Variants in DCAF8 observed in about 807,000 individuals in gnomAD.
DCAF8 encodes DDB1 and CUL4 associated factor 8, also known as DDB1- and CUL4-associated factor 8.
DCAF8 carries 20 observed loss-of-function variants against 68.0 expected under a neutral mutation model. The observed-to-expected ratio is 0.29, with a 90% confidence interval of 0.21 to 0.43. The LOEUF (loss-of-function observed/expected upper bound fraction) is 0.43. Ranked by LOEUF, DCAF8 falls within the 20% of genes least tolerant of loss-of-function variation. The probability of loss-of-function intolerance (pLI) is 1.00; values close to 1 mark genes in which losing one functional copy is unlikely to be tolerated. For synonymous variants in DCAF8, 230 were observed against 276.9 expected, an observed-to-expected ratio of 0.83 and a Z score of 1.68; for missense variants, 460 against 771.0, an observed-to-expected ratio of 0.60 and a Z score of 4.78.
chr1:160,234,890 A>C (rs573337364), intron 6 of DCAF8, among the ~76,000 whole-genome samples: 90 of 152,344 alleles, frequency 5.9e-4, no homozygotes, highest in African/African-American at 2.1e-3. Flanking sequence ...CTTGAAGGTT[A>C]TATAAACAAG....
At chr1:160,244,121 A>G (rs530073962) in intron 2 of DCAF8, 87 bp from the exon 3 acceptor site, 19 of 966,280 alleles carry the variant, frequency 2.0e-5, no homozygotes, top group Admixed American at 6.1e-5. Context: ...AACAATGTAC[A>G]GGTTTTATCA....
intron 6 of DCAF8, among the ~76,000 whole-genome samples, chr1:160,236,852 G>A (rs1655915423): frequency 2.0e-5 from 3 of 152,166 alleles, no homozygotes; most frequent in South Asian, 4.1e-4. Context: ...TGCTTTCTGT[G>A]GGTAAGATGA....
At chr1:160,261,098 A>C (rs758118744) in intron 2 of DCAF8, among the ~76,000 whole-genome samples, 187 bp downstream of exon 2, 8 of 152,232 alleles carry the variant, frequency 5.3e-5, no homozygotes, top group Admixed American at 2.0e-4. Flanking sequence ...TTAGGACAGA[A>C]AGACAAGAAG....
chr1:160,219,978 C>T (rs953700684), intron 11 of DCAF8: 5 of 152,274 alleles, frequency 3.3e-5, no homozygotes, highest in African/African-American at 1.2e-4. Context: ...GACCAACCAC[C>T]TCCGCTGCCT....
chr1:160,229,558 C>G (rs1448541476), intron 7 of DCAF8, among the ~76,000 whole-genome samples: 1 of 152,212 alleles, frequency 6.6e-6, no homozygotes. Flanking sequence ...CTCCAAACAT[C>G]TTGGTCCTAG....
At chr1:160,262,204 C>T (rs1657126073) in intron 1 of DCAF8, 2 of 397,252 alleles carry the variant, frequency 5.0e-6, no homozygotes, top group African/African-American at 2.1e-5. Context: ...GGATACGGGT[C>T]AGGCCCATCC....
chr1:160,239,320 T>C, intron 4 of DCAF8: 1 of 1,205,744 alleles, frequency 8.3e-7, no homozygotes, highest in Non-Finnish European at 1.1e-6. Context: ...ATTAGTCCCA[T>C]TTTACAGATA....
At chr1:160,245,237 G>A (rs1656272106) in intron 2 of DCAF8, among the ~76,000 whole-genome samples, 1 of 151,972 alleles carries the variant, frequency 6.6e-6, no homozygotes, top group Admixed American at 6.6e-5. Context: ...TTTTTTCAGA[G>A]CCTCACTGCC....
At chr1:160,245,272 A>G (rs1656273604) in intron 2 of DCAF8, among the ~76,000 whole-genome samples, 1 of 152,180 alleles carries the variant, frequency 6.6e-6, no homozygotes, top group Non-Finnish European at 1.5e-5. Flanking sequence ...CCAAAGAGCA[A>G]AGAATAATAT....
At chr1:160,244,417 C>T (rs1656237936) in intron 2 of DCAF8, among the ~76,000 whole-genome samples, 2 of 152,136 alleles carry the variant, frequency 1.3e-5, no homozygotes, top group East Asian at 1.9e-4. Context: ...CAGCATTGCC[C>T]CCTAGGCAAG....
At chr1:160,250,210 T>G (rs886643481) in intron 2 of DCAF8, among the ~76,000 whole-genome samples, 7 of 152,160 alleles carry the variant, frequency 4.6e-5, no homozygotes, top group African/African-American at 1.7e-4. Flanking sequence ...ATGCCTGTAA[T>G]CCCAACACTT....
At chr1:160,252,635 G>T (rs1411060975) in intron 2 of DCAF8, among the ~76,000 whole-genome samples, 3 of 152,172 alleles carry the variant, frequency 2.0e-5, no homozygotes, top group African/African-American at 7.2e-5. Flanking sequence ...GGACTGAAAT[G>T]AAGGAAAAGG....
In DCAF8 at chr1:160,225,538, C is replaced by G. The variant is rs1397677355; in HGVS notation, c.1143+53G>C. On this transcript the variant is annotated intron_variant, in intron 8 of 13. Transcript: ENST00000368074. ...ACCATACCAACAAGTTCAGGTGCAGCCTTGGGGTTGAGTCAGGGAAGCCTG... is the reference window on the plus strand; with the variant it reads ...ACCATACCAACAAGTTCAGGTGCAGGCTTGGGGTTGAGTCAGGGAAGCCTG... 6 of 1,423,726 alleles carry G rather than the reference C, an allele frequency of 4.2e-6. No homozygotes were observed. The African/African-American group carries it at 8.5e-5, about 20-fold the overall frequency. 88.2% of individuals were successfully genotyped at this position (1,423,726 alleles called of 1,614,324 possible).
At chr1:160,239,093 T>C (rs2101740572) in intron 4 of DCAF8, 3 of 896,738 alleles carry the variant, frequency 3.3e-6, no homozygotes, top group Non-Finnish European at 4.1e-6. Flanking sequence ...ATAAATTTGC[T>C]ACAAAGAAAA....
rs147112905 is a variant in DCAF8, at chr1:160,225,508, T to C, written c.1143+83A>G. 4.7e-3 allele frequency: 5,243 copies of C among 1,107,426 alleles called. 19 individuals carry two copies. Among genetic ancestry groups the C allele is most frequent in the Non-Finnish European group, 5.1e-3 (3,814 of 741,450 alleles). 68.6% of individuals were successfully genotyped at this position (1,107,426 alleles called of 1,614,324 possible). On this transcript the variant is annotated intron_variant, in intron 8 of 13. Coordinates refer to ENST00000368074, the MANE Select transcript of DCAF8 (RefSeq NM_015726.4). ...ATGACTGACTTGAAAGTCCAAGCTC[T>C]TCCCACCATACCAACAAGTTCAGGT... is the stretch of plus-strand genomic sequence containing the variant.
At position 160,219,093 on chromosome 1, in the gene DCAF8, GC is replaced by G. The variant is rs1655215573; in HGVS notation, c.1441-126del. 7 of 1,380,764 alleles carry G rather than the reference GC, an allele frequency of 5.1e-6. No homozygotes were observed. In the South Asian group the frequency reaches 9.8e-5, roughly 19 times the overall value. The allele number at this position is 1,380,764 out of a possible 1,614,324, so 85.5% of individuals were successfully genotyped here. On this transcript the variant is annotated intron_variant, in intron 11 of 13. Coordinates refer to ENST00000368074, the MANE Select transcript of DCAF8 (RefSeq NM_015726.4). ...CTGAGGCAGCTGCTGGGGAAGGGAG[GC>G]CCACCCATCCTGAGCCTAAGCCAAA...
Position 160,217,492 on chromosome 1 carries a change from C to G in DCAF8, c.*100G>C. On this transcript the variant is annotated 3_prime_UTR_variant, in exon 14 of 14. Coordinates refer to ENST00000368074, the MANE Select transcript of DCAF8 (RefSeq NM_015726.4). The stretch of plus-strand genomic sequence containing the variant: ...TTTCTTTTATCTAAAGCAAAAAGTC[C>G]AAAGTGCGTTTCTGCTGAATGTAGG... 1.2e-6 allele frequency: 1 copy of G among 839,232 alleles called. No homozygotes were observed. The highest frequency in any genetic ancestry group is 1.7e-5 in the South Asian group (1 of 57,258). The allele number at this position is 839,232 out of a possible 1,614,324, so 52.0% of individuals were successfully genotyped here. A position where few individuals can be genotyped will look rare whatever the true frequency, so the allele number is the denominator to read the frequency against.
intron 6 of DCAF8, among the ~76,000 whole-genome samples, chr1:160,235,094 C>G (rs1417239179): frequency 2.0e-5 from 3 of 151,952 alleles, no homozygotes; most frequent in Non-Finnish European, 1.5e-5. Flanking sequence ...ATTGCCATCC[C>G]TTACTCAATA....
intron 11 of DCAF8, 132 bp from the exon 12 acceptor site, chr1:160,219,100 C>G: frequency 2.3e-6 from 3 of 1,292,486 alleles, no homozygotes; most frequent in Non-Finnish European, 3.2e-6. Context: ...GAGGCCCACC[C>G]ATCCTGAGCC....
Sources: gnomAD v4.1 joint callset for allele counts (sites outside exome capture counted in the v4.1 genomes callset) on GRCh38, gnomAD v4.1.1 for gene constraint, MANE v1.5 for transcripts, NCBI Gene and HGNC (gene_info 2026-07-23, HGNC 2026-07-21) for gene names.